The following ETV6 variants were observed in gnomAD, a reference collection of about 807,000 sequenced individuals.
ETV6 encodes the protein transcription factor ETV6.
In ETV6, 16 loss-of-function variants were observed where a neutral mutation model predicts 51.1. The ratio of observed to expected loss-of-function variants is 0.31; its 90% CI spans 0.21 to 0.48. The LOEUF (loss-of-function observed/expected upper bound fraction) is 0.48. Among genes scored for constraint, ETV6 ranks in the 20% least tolerant of loss-of-function variants. The pLI, the probability that ETV6 is intolerant of heterozygous loss-of-function variation, is 0.99. For missense variants in ETV6, 458 were observed against 594.8 expected, an observed-to-expected ratio of 0.77 and a Z score of 2.39; for synonymous variants, 240 against 224.1, an observed-to-expected ratio of 1.07 and a Z score of -0.64.
chr12:11,738,830 ACT>A (rs1865757496), intron 1 of ETV6, among the ~76,000 whole-genome samples: 1 of 152,160 alleles, frequency 6.6e-6, no homozygotes, highest in South Asian at 2.1e-4. Context: ...TACGGTTCAA[ACT>A]CAAGATGGTA....
chr12:11,678,446 C>A (rs895713788), intron 1 of ETV6, among the ~76,000 whole-genome samples: 2 of 152,208 alleles, frequency 1.3e-5, no homozygotes, highest in African/African-American at 4.8e-5. Flanking sequence ...ATGCCATATA[C>A]TCTACAACTC....
Position 11,869,447 on chromosome 12 carries a change from A to G in ETV6, c.487A>G (p.Arg163Gly), listed in dbSNP as rs766450960. Residue 163 changes from arginine to glycine, a missense_variant, in exon 5 of 8, where the codon AGG (arginine) becomes GGG (glycine). Arg to Gly is a moderately radical substitution (Grantham distance 125). This residue lies in a region of ETV6 where 293 missense variants were observed against 315.7 expected (regional missense o/e 0.93). Coordinates refer to ENST00000396373, the MANE Select transcript of ETV6 (RefSeq NM_001987.5). This position sits in a 1 kb window ranked among gnomAD's most constrained non-coding sequence, Gnocchi z 5.0. Reference sequence around the variant, plus strand: ...AGATAACTGTGTCCAGAGGACCCCCAGGCCATCCGTGGATAATGTGCACCA... The same window carrying G: ...AGATAACTGTGTCCAGAGGACCCCCGGGCCATCCGTGGATAATGTGCACCA... ...EEDNCVQRTP[R>G]PSVDNVHHNP... 6 of 1,612,440 alleles carry G rather than the reference A, an allele frequency of 3.7e-6. No homozygotes were observed. Among genetic ancestry groups the G allele is most frequent in the Non-Finnish European group, 5.1e-6 (6 of 1,179,078 alleles).
intron 2 of ETV6, among the ~76,000 whole-genome samples, chr12:11,806,601 A>G (rs1318020488): frequency 2.0e-5 from 3 of 152,210 alleles, no homozygotes; most frequent in Admixed American, 1.3e-4. Flanking sequence ...TTTCCTGACA[A>G]TGTGTCTAGC....
chr12:11,877,594 A>G (rs1301994448), intron 5 of ETV6, among the ~76,000 whole-genome samples: 1 of 152,112 alleles, frequency 6.6e-6, no homozygotes, highest in Non-Finnish European at 1.5e-5. Context: ...GCTTCCTCCC[A>G]CACTATCTCA....
At chr12:11,765,657 G>C (rs1448608485) in intron 2 of ETV6, among the ~76,000 whole-genome samples, 1 of 151,778 alleles carries the variant, frequency 6.6e-6, no homozygotes, top group Non-Finnish European at 1.5e-5. Flanking sequence ...TAAGGCTGTG[G>C]TTTGAGATAT....
At position 11,890,930 on chromosome 12, in the gene ETV6, T is replaced by A; in HGVS notation, c.1254-11T>A. 1 of 1,609,878 alleles carries A rather than the reference T, an allele frequency of 6.2e-7. No individual in the cohort carries two copies. Among genetic ancestry groups the A allele is most frequent in the Non-Finnish European group, 8.5e-7 (1 of 1,176,262 alleles). The stretch of plus-strand genomic sequence containing the variant: ...TGGAATCTCTTACCTCCTCCACTTC[T>A]TCTTCCAAAGGTTTATGAAAACCCC... On this transcript the variant is annotated splice_polypyrimidine_tract_variant and intron_variant, in intron 7 of 7. Transcript: ENST00000396373.
chr12:11,874,224 A>G (rs1946927071), intron 5 of ETV6, among the ~76,000 whole-genome samples: 1 of 151,354 alleles, frequency 6.6e-6, no homozygotes, highest in African/African-American at 2.4e-5. Flanking sequence ...AAAAAATACA[A>G]AAATTCGTCG....
chr12:11,851,019 T>A lies in ETV6; in HGVS notation c.329-2408T>A, dbSNP rs1415561063. Among the ~76,000 whole-genome samples, 3 of 152,234 alleles carry A rather than the reference T, an allele frequency of 2.0e-5. No individual in the cohort carries two copies. The East Asian group carries it at 5.8e-4, about 29-fold the overall frequency. On this transcript the variant is annotated intron_variant, in intron 3 of 7. Coordinates refer to ENST00000396373, the MANE Select transcript of ETV6 (RefSeq NM_001987.5). ...AAATGCTGGAGGTCGGTGTTATTATTTGCATTTTACAGAGAAGTTCAGGGA... is the reference window on the plus strand; with the variant it reads ...AAATGCTGGAGGTCGGTGTTATTATATGCATTTTACAGAGAAGTTCAGGGA...
chr12:11,716,223 C>G (rs534209474), intron 1 of ETV6, among the ~76,000 whole-genome samples: 3 of 145,688 alleles, frequency 2.1e-5, no homozygotes, highest in Admixed American at 1.4e-4. Flanking sequence ...CCCAGCTACT[C>G]GGGAGGCTGA....
At chr12:11,780,015 T>A (rs923918409) in intron 2 of ETV6, among the ~76,000 whole-genome samples, 4 of 152,250 alleles carry the variant, frequency 2.6e-5, no homozygotes. Context: ...ACACACGCTC[T>A]ACCTTTAGCC....
chr12:11,839,673 AGTT>A (rs1946363622), intron 3 of ETV6, among the ~76,000 whole-genome samples: 1 of 152,194 alleles, frequency 6.6e-6, no homozygotes, highest in Non-Finnish European at 1.5e-5. Context: ...TGAGCCCAGG[AGTT>A]TGAGACCAGC....
chr12:11,890,479 G>C (rs1947270264), intron 7 of ETV6, among the ~76,000 whole-genome samples: 1 of 151,038 alleles, frequency 6.6e-6, no homozygotes, highest in Non-Finnish European at 1.5e-5. Context: ...CCAAGTTAGA[G>C]TGCAGTAGCA....
intron 1 of ETV6, among the ~76,000 whole-genome samples, chr12:11,684,685 T>G (rs1309740483): frequency 6.6e-6 from 1 of 152,206 alleles, no homozygotes; most frequent in Non-Finnish European, 1.5e-5. Context: ...GGTTGTGTCT[T>G]TAACAGACTT....
chr12:11,880,394 T>C (rs1947072248), intron 5 of ETV6, among the ~76,000 whole-genome samples: 1 of 152,204 alleles, frequency 6.6e-6, no homozygotes, highest in African/African-American at 2.4e-5. Context: ...AACGGTGTTC[T>C]CTGGTAAGCC....
intron 2 of ETV6, among the ~76,000 whole-genome samples, chr12:11,753,766 G>A (rs549375999): frequency 3.9e-5 from 6 of 152,348 alleles, no homozygotes; most frequent in East Asian, 3.9e-4. Flanking sequence ...GAGGGCAGAC[G>A]GTTGCTGGGA....
intron 1 of ETV6, among the ~76,000 whole-genome samples, chr12:11,678,657 G>A (rs1020495979): frequency 1.3e-5 from 2 of 152,154 alleles, no homozygotes; most frequent in African/African-American, 4.8e-5. Flanking sequence ...TATTTATTAT[G>A]AGAAATTGGC....
chr12:11,732,519 C>T (rs941284375), intron 1 of ETV6, among the ~76,000 whole-genome samples: 4 of 152,200 alleles, frequency 2.6e-5, no homozygotes, highest in Non-Finnish European at 4.4e-5. Flanking sequence ...TGGAGAAGGA[C>T]GTTGTCCTTC....
intron 2 of ETV6, among the ~76,000 whole-genome samples, chr12:11,834,323 T>C (rs1287536893): frequency 2.6e-5 from 4 of 152,204 alleles, no homozygotes. Context: ...AGCTTCCATC[T>C]TTCACATTTT....
At chr12:11,720,100 G>A (rs1335577458) in intron 1 of ETV6, among the ~76,000 whole-genome samples, 5 of 152,236 alleles carry the variant, frequency 3.3e-5, no homozygotes, top group African/African-American at 9.6e-5. Flanking sequence ...GAAGCTGTGG[G>A]TTATTGGTAT....
Sources: allele counts gnomAD v4.1 joint callset (sites outside exome capture counted in the v4.1 genomes callset), GRCh38; gene constraint gnomAD v4.1.1; regional missense constraint gnomAD v4.1.1; non-coding constraint Gnocchi (gnomAD v3.1); transcripts MANE v1.5; gene names NCBI Gene and HGNC (gene_info 2026-07-23, HGNC 2026-07-21).